The following VAT1L variants were observed in gnomAD, a reference collection of about 807,000 sequenced individuals.
VAT1L encodes the protein vesicle amine transport 1 like.
A neutral mutation model predicts 44.1 loss-of-function variants in VAT1L; 34 were observed. The observed-to-expected ratio is 0.77, with a 90% confidence interval of 0.59 to 1.03. VAT1L has a LOEUF of 1.03. Among genes scored for constraint, VAT1L ranks in the 50% least tolerant of loss-of-function variants. The pLI is 0.00. For missense variants in VAT1L, 615 were observed against 538.8 expected, an observed-to-expected ratio of 1.14 and a Z score of -1.40; for synonymous variants, 253 against 202.2, an observed-to-expected ratio of 1.25 and a Z score of -2.13.
At chr16:77,892,663 G>C in intron 7 of VAT1L, 1 of 715,574 alleles carries the variant, frequency 1.4e-6, no homozygotes, top group Non-Finnish European at 2.6e-6. Flanking sequence ...TCTATGGAGA[G>C]AAATTAGATG....
At chr16:77,843,640 C>G (rs2016729276) in intron 3 of VAT1L, among the ~76,000 whole-genome samples, 1 of 152,194 alleles carries the variant, frequency 6.6e-6, no homozygotes, top group Non-Finnish European at 1.5e-5. Flanking sequence ...GCCCTGTTCT[C>G]TAGAGCCCAT....
chr16:77,939,118 G>C (rs560026715), intron 7 of VAT1L, among the ~76,000 whole-genome samples: 18 of 152,302 alleles, frequency 1.2e-4, no homozygotes, highest in Admixed American at 8.5e-4. Context: ...CACCCACAGT[G>C]CACGGAAGTA....
intron 7 of VAT1L, among the ~76,000 whole-genome samples, chr16:77,939,381 G>A (rs1284896516): frequency 1.3e-5 from 2 of 152,168 alleles, no homozygotes; most frequent in East Asian, 1.9e-4. Context: ...AACCAGTGGG[G>A]GGCCGGAGGC....
chr16:77,903,405 A>G (rs1488803102), intron 7 of VAT1L, among the ~76,000 whole-genome samples: 2 of 152,214 alleles, frequency 1.3e-5, no homozygotes, highest in Non-Finnish European at 2.9e-5. Context: ...AGTACCTCAT[A>G]TAATACAGTC....
intron 7 of VAT1L, among the ~76,000 whole-genome samples, chr16:77,942,484 C>A (rs958512532): frequency 6.1e-4 from 92 of 151,980 alleles, no homozygotes; most frequent in African/African-American, 2.1e-3. Flanking sequence ...GAGGAGAATT[C>A]TTTGAATATA....
intron 7 of VAT1L, among the ~76,000 whole-genome samples, chr16:77,942,138 A>C (rs528122209): frequency 6.6e-5 from 10 of 152,312 alleles, no homozygotes; most frequent in Admixed American, 5.2e-4. Context: ...AGAAAAAAGA[A>C]GTTTAATGGA....
At chr16:77,857,580 T>C (rs559028833) in intron 3 of VAT1L, among the ~76,000 whole-genome samples, 8 of 151,568 alleles carry the variant, frequency 5.3e-5, no homozygotes, top group Admixed American at 4.6e-4. Context: ...TAGATTATTA[T>C]ATATTATACA....
At chr16:77,844,892 T>C (rs965264976) in intron 3 of VAT1L, among the ~76,000 whole-genome samples, 3 of 152,118 alleles carry the variant, frequency 2.0e-5, no homozygotes, top group African/African-American at 7.2e-5. Context: ...CAAGATGCTA[T>C]CATAGAGAAT....
At chr16:77,956,174 A>T (rs991560490) in intron 7 of VAT1L, among the ~76,000 whole-genome samples, 18 of 152,184 alleles carry the variant, frequency 1.2e-4, no homozygotes, top group Admixed American at 9.8e-4. Context: ...CTGTATCAAA[A>T]CATCTCATGT....
At chr16:77,956,655 C>G (rs751908247) in intron 7 of VAT1L, among the ~76,000 whole-genome samples, 1 of 152,194 alleles carries the variant, frequency 6.6e-6, no homozygotes, top group Admixed American at 6.5e-5. Flanking sequence ...TTCTTAGGTT[C>G]AGAGCCTATA....
At chr16:77,841,787 C>G (rs914301250) in intron 3 of VAT1L, among the ~76,000 whole-genome samples, 1 of 152,166 alleles carries the variant, frequency 6.6e-6, no homozygotes, top group African/African-American at 2.4e-5. Flanking sequence ...ATGCGAGTCT[C>G]AACTGGTGCA....
At chr16:77,927,532 A>T (rs1015888575) in intron 7 of VAT1L, among the ~76,000 whole-genome samples, 1 of 152,056 alleles carries the variant, frequency 6.6e-6, no homozygotes, top group Non-Finnish European at 1.5e-5. Context: ...CACCCTAGGT[A>T]CACCCATTCA....
rs2017125671 is a variant in VAT1L, at chr16:77,879,421, G to C, written c.882+197G>C. Among the ~76,000 whole-genome samples the C allele has an allele frequency of 6.6e-6, 1 of 152,214 alleles. No individual in the cohort carries two copies. Among genetic ancestry groups the C allele is most frequent in the Admixed American group, 6.5e-5 (1 of 15,280 alleles). ...TTCTCCTGCCTCAGCCTCCCTAGTAGCTGGGATTACAGGCATGCGCCACCA... is the reference window on the plus strand; with the variant it reads ...TTCTCCTGCCTCAGCCTCCCTAGTACCTGGGATTACAGGCATGCGCCACCA... On this transcript the variant is annotated intron_variant, in intron 6 of 8. Coordinates refer to ENST00000302536, the MANE Select transcript of VAT1L (RefSeq NM_020927.3). The surrounding 1 kb of genome is among the most constrained non-coding windows in gnomAD (Gnocchi z 4.1).
intron 3 of VAT1L, among the ~76,000 whole-genome samples, chr16:77,840,217 G>A (rs140969765): frequency 2.3e-4 from 35 of 152,316 alleles, no homozygotes; most frequent in African/African-American, 1.4e-4. Flanking sequence ...CCTTGTACAC[G>A]TTTTAGTGTT....
chr16:77,946,623 T>C (rs949590712), intron 7 of VAT1L, among the ~76,000 whole-genome samples: 1 of 152,224 alleles, frequency 6.6e-6, no homozygotes, highest in Non-Finnish European at 1.5e-5. Context: ...CTTGGAATTT[T>C]ATTTAAAAAG....
At chr16:77,854,878 C>A (rs753114677) in intron 3 of VAT1L, among the ~76,000 whole-genome samples, 1 of 152,244 alleles carries the variant, frequency 6.6e-6, no homozygotes, top group Non-Finnish European at 1.5e-5. Flanking sequence ...AAGTTAGTAA[C>A]AGAAAGTTCC....
At chr16:77,869,523 G>A (rs1174925013) in intron 4 of VAT1L, among the ~76,000 whole-genome samples, 2 of 152,062 alleles carry the variant, frequency 1.3e-5, no homozygotes, top group Non-Finnish European at 1.5e-5. Flanking sequence ...AAAACAATTC[G>A]CTGGGTGTAG....
intron 7 of VAT1L, among the ~76,000 whole-genome samples, chr16:77,964,117 C>T (rs1473395769): frequency 1.3e-5 from 2 of 151,988 alleles, no homozygotes; most frequent in Non-Finnish European, 2.9e-5. Context: ...CCACCTGGAG[C>T]CAAAGCATAT....
chr16:77,875,003 T>A (rs191342434), intron 4 of VAT1L, among the ~76,000 whole-genome samples: 1 of 152,280 alleles, frequency 6.6e-6, no homozygotes, highest in East Asian at 1.9e-4. Flanking sequence ...AAAGGAAGGA[T>A]TGCAATCTTT....
Sources: gnomAD v4.1 joint callset for allele counts (sites outside exome capture counted in the v4.1 genomes callset) on GRCh38, gnomAD v4.1.1 for gene constraint, Gnocchi (gnomAD v3.1) non-coding constraint, MANE v1.5 for transcripts, NCBI Gene and HGNC (gene_info 2026-07-23, HGNC 2026-07-21) for gene names.